SFTPD: variants seen among roughly 807,000 people sequenced by gnomAD.
The protein encoded by SFTPD is surfactant protein D, also known as pulmonary surfactant-associated protein D.
A neutral mutation model predicts 34.6 loss-of-function variants in SFTPD; 18 were observed. The observed-to-expected ratio is 0.52, with a 90% confidence interval of 0.36 to 0.77. The LOEUF is 0.77. SFTPD is among the 30% of genes least tolerant of loss of function. The pLI is 0.00. For synonymous variants in SFTPD, 155 were observed against 180.9 expected (o/e 0.86, Z 1.15); for missense variants, 433 against 468.9 (o/e 0.92, Z 0.71).
intron 4 of SFTPD, 141 bp from the exon 5 acceptor site, chr10:79,942,211 C>G: frequency 7.9e-6 from 6 of 758,672 alleles, no homozygotes; most frequent in Non-Finnish European, 1.3e-5. Flanking sequence ...TGGGGCTCCT[C>G]TGTGGAGGGT....
chr10:79,956,698 T>C (rs1842741794), intron 1 of SFTPD, among the ~76,000 whole-genome samples: 1 of 152,214 alleles, frequency 6.6e-6, no homozygotes, highest in Non-Finnish European at 1.5e-5. Context: ...GAGGCCTGCC[T>C]GCCTCTGTAG....
chr10:79,963,348 T>TA (rs61707427), intron 1 of SFTPD, among the ~76,000 whole-genome samples: 4,037 of 139,108 alleles, frequency 0.029, 74 homozygotes, highest in African/African-American at 0.042. Context: ...CCGTGTCTCT[T>TA]AAAAAAAAAA....
chr10:79,950,714 G>A (rs1053603824), upstream of SFTPD: 1 of 152,128 alleles, frequency 6.6e-6, no homozygotes. Context: ...CTCCTATCTG[G>A]ATGTCTAATT....
intron 1 of SFTPD, chr10:79,981,754 A>C (rs1236410031): frequency 6.4e-6 from 1 of 157,286 alleles, no homozygotes; most frequent in Non-Finnish European, 1.4e-5. Context: ...GAGCCGGAGG[A>C]TGGCTGCGGT....
chr10:79,958,048 C>T (rs1208395192), intron 1 of SFTPD, among the ~76,000 whole-genome samples: 1 of 152,144 alleles, frequency 6.6e-6, no homozygotes, highest in Admixed American at 6.5e-5. Context: ...TCCAGTCAAA[C>T]TAAGCTTCAT....
intron 1 of SFTPD, among the ~76,000 whole-genome samples, chr10:79,961,643 A>C (rs1483846780): frequency 1.3e-5 from 2 of 152,210 alleles, no homozygotes; most frequent in Non-Finnish European, 2.9e-5. Flanking sequence ...GTCAGGAAAC[A>C]ACAGGTGCTG....
chr10:79,942,266 A>C (rs1842620998), intron 4 of SFTPD, 122 bp downstream of exon 4: 1 of 768,606 alleles, frequency 1.3e-6, no homozygotes, highest in East Asian at 2.5e-5. Flanking sequence ...GGTGCATGGC[A>C]AGCCTTTGCA....
In SFTPD at chr10:79,959,316, G is replaced by A. The variant is rs1320549103; in HGVS notation, c.37-12654C>T. On this transcript the variant is annotated intron_variant, in intron 1 of 5. Coordinates refer to the SFTPD transcript ENST00000444384. ...AATCAGAGCAGAACTGAAGGAAATA[G>A]AGACACAAAAAACCCTTCAAAAAAT... Among the ~76,000 whole-genome samples, 3 of 151,484 alleles carry A rather than the reference G, an allele frequency of 2.0e-5. 1 individual carries two copies. In the South Asian group the frequency reaches 6.3e-4, roughly 32 times the overall value.
At chr10:79,962,198 T>G (rs1022232051) in intron 1 of SFTPD, among the ~76,000 whole-genome samples, 99 of 147,416 alleles carry the variant, frequency 6.7e-4, no homozygotes, top group African/African-American at 2.4e-3. Context: ...TAATGCTAAA[T>G]GATGAGTTAA....
chr10:79,945,661 A>G (rs953721252), intron 2 of SFTPD, among the ~76,000 whole-genome samples: 7 of 152,214 alleles, frequency 4.6e-5, no homozygotes, highest in African/African-American at 1.4e-4. Flanking sequence ...CAGAAAATGC[A>G]ACTTTATCCC....
At chr10:79,975,816 T>A (rs1842861249) in intron 1 of SFTPD, among the ~76,000 whole-genome samples, 1 of 152,166 alleles carries the variant, frequency 6.6e-6, no homozygotes, top group African/African-American at 2.4e-5. Context: ...TGGGCCCAAA[T>A]AAAGAGGTGG....
chr10:79,956,926 A>G (rs537016879), intron 1 of SFTPD, among the ~76,000 whole-genome samples: 1 of 152,204 alleles, frequency 6.6e-6, no homozygotes, highest in East Asian at 1.9e-4. Flanking sequence ...GACACCTCAC[A>G]CGGCCGGGTA....
At chr10:79,939,470 A>C (rs1193052764) in intron 7 of SFTPD, among the ~76,000 whole-genome samples, 1 of 152,220 alleles carries the variant, frequency 6.6e-6, no homozygotes, top group African/African-American at 2.4e-5. Flanking sequence ...ATGTGCATCT[A>C]CCCAAAGGTA....
intron 1 of SFTPD, chr10:79,969,983 C>T (rs537530875): frequency 4.6e-5 from 7 of 152,130 alleles, no homozygotes; most frequent in Non-Finnish European, 7.4e-5. Context: ...GACTGTTCCC[C>T]GTGTTTTCTT....
chr10:79,943,933 C>T (rs1337621229), intron 2 of SFTPD, among the ~76,000 whole-genome samples: 1 of 152,258 alleles, frequency 6.6e-6, no homozygotes, highest in African/African-American at 2.4e-5. Context: ...AAAAATGTCA[C>T]TCTCCAGAAG....
intron 2 of SFTPD, among the ~76,000 whole-genome samples, chr10:79,945,988 C>T (rs1842661081): frequency 6.6e-6 from 1 of 152,162 alleles, no homozygotes; most frequent in Non-Finnish European, 1.5e-5. Flanking sequence ...AATGTGAGTG[C>T]CTTTTCTCCC....
At chr10:79,952,032 C>T (rs1222754906), upstream of SFTPD, among the ~76,000 whole-genome samples, 1 of 152,214 alleles carries the variant, frequency 6.6e-6, no homozygotes, top group Non-Finnish European at 1.5e-5. Flanking sequence ...TTGTGACCTT[C>T]AGTTCAGATA....
At chr10:79,957,289 A>C (rs1458586620) in intron 1 of SFTPD, among the ~76,000 whole-genome samples, 2 of 152,228 alleles carry the variant, frequency 1.3e-5, no homozygotes, top group African/African-American at 4.8e-5. Flanking sequence ...CAACGGAACA[A>C]AGCTGGACGG....
At chr10:79,969,607 AGTT>A (rs945866824) in intron 1 of SFTPD, 1 of 152,164 alleles carries the variant, frequency 6.6e-6, no homozygotes, top group Non-Finnish European at 1.5e-5. Context: ...AAAGGAGTGA[AGTT>A]GTATCTGATA....
Sources: allele counts gnomAD v4.1 joint callset (sites outside exome capture counted in the v4.1 genomes callset), GRCh38; gene constraint gnomAD v4.1.1; transcripts MANE v1.5; gene names NCBI Gene and HGNC (gene_info 2026-07-23, HGNC 2026-07-21).